MKLN1: variants seen among roughly 807,000 people sequenced by gnomAD.
The protein encoded by MKLN1 is muskelin 1, also known as muskelin.
MKLN1 carries 18 observed loss-of-function variants against 99.0 expected under a neutral mutation model. The observed-to-expected ratio is 0.18, with a 90% CI of 0.13 to 0.27. The LOEUF (loss-of-function observed/expected upper bound fraction) is 0.27. Ranked by LOEUF, MKLN1 falls within the 10% of genes least tolerant of loss-of-function variation. The pLI, the probability that MKLN1 is intolerant of heterozygous loss-of-function variation, is 1.00. For synonymous variants in MKLN1, 288 were observed against 293.2 expected (o/e 0.98, Z 0.18); for missense variants, 621 against 875.9 (o/e 0.71, Z 3.67).
At chr7:131,131,634 C>G (rs553993978) in intron 1 of MKLN1, among the ~76,000 whole-genome samples, 2 of 152,148 alleles carry the variant, frequency 1.3e-5, no homozygotes, top group South Asian at 2.1e-4. Context: ...AGCTCAGATT[C>G]GGTCACAGAA....
chr7:131,149,994 C>A (rs1795866242), intron 2 of MKLN1, among the ~76,000 whole-genome samples: 1 of 152,186 alleles, frequency 6.6e-6, no homozygotes, highest in African/African-American at 2.4e-5. Flanking sequence ...CTTCCCTCTT[C>A]CTTCTCCTTT....
chr7:131,162,706 C>T (rs1379983546), intron 2 of MKLN1, among the ~76,000 whole-genome samples: 1 of 152,096 alleles, frequency 6.6e-6, no homozygotes, highest in East Asian at 1.9e-4. Flanking sequence ...CTTGTGGTCC[C>T]AAGCATTTCG....
chr7:131,292,378 G>A (rs1798232980), intron 3 of MKLN1, among the ~76,000 whole-genome samples: 1 of 152,314 alleles, frequency 6.6e-6, no homozygotes, highest in South Asian at 2.1e-4. Flanking sequence ...AAGCCATTAT[G>A]TGAAAGGTTA....
chr7:131,257,101 C>T (rs986444081), intron 3 of MKLN1, among the ~76,000 whole-genome samples: 41 of 152,232 alleles, frequency 2.7e-4, no homozygotes, highest in African/African-American at 9.9e-4. Flanking sequence ...GGGCTTGTAA[C>T]AACACTGTAG....
Position 131,445,854 on chromosome 7 carries a change from T to G in MKLN1, c.1476T>G (p.Ser492=). The part of the protein sequence containing the change: ...LNDFFSYDVD[S]DHVDIISDGT... ...ATTTCTTTAGTTATGATGTGGACTC[T>G]GATCATGTAGACATAATATCAGATG... Residue 492 remains serine (S), a synonymous_variant, in exon 12 of 18, where the codon TCT becomes TCG. Coordinates refer to ENST00000352689, the MANE Select transcript of MKLN1 (RefSeq NM_013255.5). 1.9e-6 allele frequency: 3 copies of G among 1,608,264 alleles called. No individual in the cohort carries two copies. In the South Asian group the frequency reaches 3.3e-5, roughly 18 times the overall value.
chr7:131,249,197 A>G (rs1797540343), intron 3 of MKLN1, among the ~76,000 whole-genome samples: 1 of 152,206 alleles, frequency 6.6e-6, no homozygotes, highest in Non-Finnish European at 1.5e-5. Flanking sequence ...AGCTGCTGAC[A>G]GAGGCCACAT....
intron 3 of MKLN1, among the ~76,000 whole-genome samples, chr7:131,318,758 G>A (rs942069787): frequency 4.6e-5 from 7 of 151,892 alleles, no homozygotes; most frequent in African/African-American, 1.7e-4. Context: ...AATGATAAAG[G>A]GGATATCACC....
intron 2 of MKLN1, among the ~76,000 whole-genome samples, chr7:131,172,381 T>C (rs1796228657): frequency 6.6e-6 from 1 of 151,746 alleles, no homozygotes; most frequent in Non-Finnish European, 1.5e-5. Flanking sequence ...AGTGGCGTGA[T>C]CTCGGCTCAC....
intron 3 of MKLN1, among the ~76,000 whole-genome samples, chr7:131,203,913 C>T (rs1321452572): frequency 6.6e-6 from 1 of 152,150 alleles, no homozygotes; most frequent in Non-Finnish European, 1.5e-5. Flanking sequence ...TTATTGATGA[C>T]TCCATGTCCT....
chr7:131,251,936 C>T (rs1345196107), intron 3 of MKLN1, among the ~76,000 whole-genome samples: 2 of 152,176 alleles, frequency 1.3e-5, no homozygotes, highest in Non-Finnish European at 2.9e-5. Flanking sequence ...ATCTCACCCT[C>T]TCAAAGTGCT....
chr7:131,147,643 A>G (rs1795834269), intron 2 of MKLN1, among the ~76,000 whole-genome samples: 1 of 152,210 alleles, frequency 6.6e-6, no homozygotes, highest in African/African-American at 2.4e-5. Flanking sequence ...ACCAAGTCAC[A>G]AGATTTAAGA....
intron 3 of MKLN1, among the ~76,000 whole-genome samples, chr7:131,293,782 G>A (rs1798254194): frequency 6.6e-6 from 1 of 152,076 alleles, no homozygotes; most frequent in African/African-American, 2.4e-5. Context: ...CTCTAGCCTG[G>A]GCAATAGAGT....
intron 3 of MKLN1, among the ~76,000 whole-genome samples, chr7:131,224,992 G>A (rs989967535): frequency 9.2e-5 from 14 of 151,360 alleles, no homozygotes; most frequent in Admixed American, 2.0e-4. Flanking sequence ...AGAATGGTGC[G>A]AACCCGGGAG....
chr7:131,173,352 A>T (rs1796244461), intron 2 of MKLN1, among the ~76,000 whole-genome samples: 1 of 152,138 alleles, frequency 6.6e-6, no homozygotes. Flanking sequence ...GGTGAGATGA[A>T]TTTTTTTATT....
At chr7:131,194,777 G>A (rs1218324903) in intron 2 of MKLN1, among the ~76,000 whole-genome samples, 1 of 152,196 alleles carries the variant, frequency 6.6e-6, no homozygotes, top group African/African-American at 2.4e-5. Flanking sequence ...AGTAAGTCCA[G>A]GCAAACTCTT....
rs568084611 is a variant in MKLN1 at position 131,375,604 on chromosome 7, G to A, written c.168+111G>A. 7 of 669,118 alleles carry A rather than the reference G, an allele frequency of 1.0e-5. No individual in the cohort carries two copies. The South Asian group carries it at 1.2e-4, about 12-fold the overall frequency. The allele number at this position is 669,118 out of a possible 1,614,324, so 41.4% of individuals were successfully genotyped here. On this transcript the variant is annotated intron_variant, in intron 2 of 17. Coordinates refer to ENST00000352689, the MANE Select transcript of MKLN1 (RefSeq NM_013255.5). ...AATAGTTTATTCTCTTTTTGAGATT[G>A]TGAGGTAAATTTTTATTCTCTCTAT...
At chr7:131,281,480 TTCTTCC>T (rs1563277617) in intron 3 of MKLN1, among the ~76,000 whole-genome samples, 1 of 152,318 alleles carries the variant, frequency 6.6e-6, no homozygotes, top group East Asian at 1.9e-4. Context: ...TCCAACTTTG[TTCTTCC>T]TCTTCAAGAT....
chr7:131,403,242 T>C (rs994462369), intron 6 of MKLN1, among the ~76,000 whole-genome samples: 4 of 152,208 alleles, frequency 2.6e-5, no homozygotes, highest in African/African-American at 9.6e-5. Context: ...CAGAGGTGGC[T>C]TCTTTCTTTA....
chr7:131,290,799 A>G (rs905001798), intron 3 of MKLN1, among the ~76,000 whole-genome samples: 7 of 152,236 alleles, frequency 4.6e-5, no homozygotes, highest in African/African-American at 1.7e-4. Context: ...CCTAATGAAC[A>G]TACTTTGAAT....
Sources: gnomAD v4.1 joint callset for allele counts (sites outside exome capture counted in the v4.1 genomes callset) on GRCh38, gnomAD v4.1.1 for gene constraint, MANE v1.5 for transcripts, NCBI Gene and HGNC (gene_info 2026-07-23, HGNC 2026-07-21) for gene names.